The following ADD3 variants were observed in gnomAD, a reference collection of about 807,000 sequenced individuals.
ADD3 encodes the protein gamma-adducin.
Under a neutral mutation model 80.2 loss-of-function variants are expected in ADD3, and 25 were observed. That is an observed-to-expected ratio of 0.31 (90% CI 0.23 to 0.44). The LOEUF (loss-of-function observed/expected upper bound fraction) is 0.44, where lower values mean the gene tolerates loss of function less well. Among genes scored for constraint, ADD3 ranks in the 20% least tolerant of loss-of-function variants. ADD3 has a pLI of 1.00. For missense variants in ADD3, 829 were observed against 847.5 expected (o/e 0.98, Z 0.27); for synonymous variants, 284 against 289.6 (o/e 0.98, Z 0.20).
chr10:110,027,317 C>G (rs563812254), intron 1 of ADD3, among the ~76,000 whole-genome samples: 2 of 152,156 alleles, frequency 1.3e-5, no homozygotes, highest in African/African-American at 4.8e-5. Flanking sequence ...GGTTGAGTAG[C>G]TAGAACTACC....
intron 1 of ADD3, among the ~76,000 whole-genome samples, chr10:110,076,024 G>A (rs1390955890): frequency 6.6e-6 from 1 of 152,164 alleles, no homozygotes; most frequent in African/African-American, 2.4e-5. Context: ...AGAGTAACAT[G>A]ACAACATGCA....
chr10:110,063,701 A>G (rs1291608497), intron 1 of ADD3, among the ~76,000 whole-genome samples: 1 of 137,848 alleles, frequency 7.3e-6, no homozygotes, highest in African/African-American at 2.7e-5. Context: ...AGAAATCATA[A>G]CAGTACAGCT....
chr10:110,101,048 T>C (rs1378891576), intron 2 of ADD3, among the ~76,000 whole-genome samples, 200 bp downstream of exon 2: 1 of 152,170 alleles, frequency 6.6e-6, no homozygotes, highest in African/African-American at 2.4e-5. Flanking sequence ...AACCTAGTAT[T>C]GTGTTTGGTG....
chr10:110,087,164 G>C (rs771022269), intron 1 of ADD3, among the ~76,000 whole-genome samples: 5 of 152,026 alleles, frequency 3.3e-5, no homozygotes, highest in Non-Finnish European at 5.9e-5. Context: ...AAGTAGCTGG[G>C]ATTACAGGCG....
At chr10:110,131,796 G>A (rs1853044550) in intron 13 of ADD3, among the ~76,000 whole-genome samples, 1 of 152,084 alleles carries the variant, frequency 6.6e-6, no homozygotes, top group Non-Finnish European at 1.5e-5. Flanking sequence ...AACAAATGTT[G>A]CACTCTAGAA....
intron 1 of ADD3, among the ~76,000 whole-genome samples, chr10:110,023,600 A>G (rs967416283): frequency 1.3e-4 from 20 of 152,208 alleles, no homozygotes; most frequent in African/African-American, 4.3e-4. Context: ...CTGATTTATG[A>G]CAGAGGAAAG....
At chr10:110,022,790 G>A (rs1853833432) in intron 1 of ADD3, among the ~76,000 whole-genome samples, 1 of 152,212 alleles carries the variant, frequency 6.6e-6, no homozygotes. Flanking sequence ...ACAATTCAGG[G>A]AGGAGAGTGG....
intron 1 of ADD3, among the ~76,000 whole-genome samples, chr10:110,050,902 A>G (rs1457396195): frequency 6.6e-6 from 1 of 152,200 alleles, no homozygotes; most frequent in Non-Finnish European, 1.5e-5. Context: ...ATGTGTTTGG[A>G]TGATGTGGAA....
intron 1 of ADD3, among the ~76,000 whole-genome samples, chr10:110,096,285 T>C (rs1487289619): frequency 3.3e-5 from 5 of 152,198 alleles, no homozygotes; most frequent in East Asian, 1.9e-4. Flanking sequence ...GTTTGTGCTC[T>C]CATTATGCAA....
At chr10:110,131,677 A>G (rs555083117) in intron 13 of ADD3, among the ~76,000 whole-genome samples, 5 of 152,292 alleles carry the variant, frequency 3.3e-5, no homozygotes, top group African/African-American at 1.2e-4. Flanking sequence ...AAATGGTGTT[A>G]TTGAATTTGT....
Position 110,118,019 on chromosome 10 carries a change from T to TACACACACACAC in ADD3, c.568-524_568-513dup, listed in dbSNP as rs148105742. Among the ~76,000 whole-genome samples the TACACACACACAC allele has an allele frequency of 1.8e-3, 230 of 125,686 alleles. 3 individuals are homozygous for TACACACACACAC. The highest frequency in any genetic ancestry group is 3.8e-3 in the Middle Eastern group (1 of 260). The allele number at this position is 125,686 out of a possible 152,430, so 82.5% of individuals were successfully genotyped here. ...CTACAGGGCGAGACTCTGTCTTCAA[T>TACACACACACAC]ACACACACACACACACACACACACA... On this transcript the variant is annotated intron_variant, in intron 5 of 14. Transcript: ENST00000356080.
At chr10:110,059,273 G>T (rs1040608953) in intron 1 of ADD3, among the ~76,000 whole-genome samples, 1 of 152,148 alleles carries the variant, frequency 6.6e-6, no homozygotes, top group Non-Finnish European at 1.5e-5. Flanking sequence ...GGAGTTTGAG[G>T]CCTGCCTGGC....
intron 1 of ADD3, among the ~76,000 whole-genome samples, chr10:110,076,502 T>C (rs1257572459): frequency 1.3e-5 from 2 of 152,172 alleles, no homozygotes. Flanking sequence ...TGAAGGGAAC[T>C]ATTGCTAGTT....
In ADD3 at chr10:110,108,232, A is replaced by G. The variant is rs182967278; in HGVS notation, c.196-4545A>G. 2.7e-3 allele frequency among the ~76,000 whole-genome samples: 406 copies of G among 152,248 alleles called. 3 individuals are homozygous for G. The highest frequency in any genetic ancestry group is 9.2e-3 in the African/African-American group (384 of 41,560). On this transcript the variant is annotated intron_variant, in intron 2 of 14. Transcript: ENST00000356080. ...GGATCACCATAATCTGCCAGTATAT[A>G]TATATATATTTTTGCTTTATCTGCC...
At position 110,062,200 on chromosome 10, in the gene ADD3, TAAAAAAAAAAAAAAAAAA is replaced by T. The variant is rs57540485; in HGVS notation, c.-29-38405_-29-38388del. 1.3e-3 allele frequency among the ~76,000 whole-genome samples: 45 copies of T among 35,234 alleles called. 1 individual carries two copies. The highest frequency in any genetic ancestry group is 6.7e-3 in the East Asian group (8 of 1,186). 23.1% of individuals were successfully genotyped at this position (35,234 alleles called of 152,430 possible). A position where few individuals can be genotyped will look rare whatever the true frequency, so the allele number is the denominator to read the frequency against. ...GAACATGGAGAAACACTGTCTCTAC[TAAAAAAAAAAAAAAAAAA>T]AAAAAAAAAAAAAAAAAAATACTAA... On this transcript the variant is annotated intron_variant, in intron 1 of 14. Coordinates refer to ENST00000356080, the MANE Select transcript of ADD3 (RefSeq NM_016824.5).
intron 1 of ADD3, among the ~76,000 whole-genome samples, chr10:110,020,584 C>G (rs1187777029): frequency 6.6e-6 from 1 of 152,128 alleles, no homozygotes; most frequent in African/African-American, 2.4e-5. Flanking sequence ...TGGGAAGCCA[C>G]TGGATAACTT....
intron 12 of ADD3, among the ~76,000 whole-genome samples, chr10:110,126,727 T>C (rs772852608): frequency 1.4e-4 from 21 of 152,226 alleles, no homozygotes; most frequent in Non-Finnish European, 2.8e-4. Flanking sequence ...GGTTAGTTAG[T>C]TGAGATGAGG....
chr10:110,106,612 C>T (rs1264239295), intron 2 of ADD3, among the ~76,000 whole-genome samples: 1 of 152,068 alleles, frequency 6.6e-6, no homozygotes, highest in Non-Finnish European at 1.5e-5. Flanking sequence ...TTTATAGCCT[C>T]ACTCCCTCGA....
intron 1 of ADD3, among the ~76,000 whole-genome samples, chr10:110,030,089 C>T (rs1854811841): frequency 1.3e-5 from 2 of 151,954 alleles, no homozygotes; most frequent in Non-Finnish European, 1.5e-5. Flanking sequence ...TTTGGGAGGC[C>T]GAGGTGGGCG....
Sources: allele counts gnomAD v4.1 joint callset (sites outside exome capture counted in the v4.1 genomes callset), GRCh38; gene constraint gnomAD v4.1.1; transcripts MANE v1.5; gene names NCBI Gene and HGNC (gene_info 2026-07-23, HGNC 2026-07-21).